CAMK1D: variants seen among roughly 807,000 people sequenced by gnomAD.
CAMK1D encodes calcium/calmodulin-dependent protein kinase type 1D.
A neutral mutation model predicts 47.7 loss-of-function variants in CAMK1D; 9 were observed. That is an observed-to-expected ratio of 0.19 (90% CI 0.11 to 0.33). CAMK1D has a LOEUF of 0.33. CAMK1D is among the 10% of genes least tolerant of loss of function. The probability of loss-of-function intolerance (pLI) is 1.00; values close to 1 mark genes in which losing one functional copy is unlikely to be tolerated. For synonymous variants in CAMK1D, 184 were observed against 184.9 expected (o/e 0.99, Z 0.04); for missense variants, 291 against 488.7 (o/e 0.60, Z 3.81).
chr10:12,595,431 C>T (rs1030207733), intron 2 of CAMK1D, among the ~76,000 whole-genome samples: 1 of 144,522 alleles, frequency 6.9e-6, no homozygotes, highest in Non-Finnish European at 1.5e-5. Flanking sequence ...AGAATGTGGG[C>T]AGTCACTAAA....
rs556540121 is a variant in CAMK1D at position 12,434,195 on chromosome 10, C to G, written c.92+84285C>G. On this transcript the variant is annotated intron_variant, in intron 1 of 10. Coordinates refer to ENST00000619168, the MANE Select transcript of CAMK1D (RefSeq NM_153498.4). Reference sequence around the variant, plus strand: ...TTGAGTAACTAGTCCTAAGATTTTTCTCTTCCAAATTAAAAAAATAAGTCT... The same window carrying G: ...TTGAGTAACTAGTCCTAAGATTTTTGTCTTCCAAATTAAAAAAATAAGTCT... Among the ~76,000 whole-genome samples, 15 of 152,256 alleles carry G rather than the reference C, an allele frequency of 9.9e-5. No individual in the cohort carries two copies. In the South Asian group the frequency reaches 3.1e-3, roughly 32 times the overall value.
At chr10:12,484,230 C>T (rs1270822637) in intron 1 of CAMK1D, among the ~76,000 whole-genome samples, 2 of 152,228 alleles carry the variant, frequency 1.3e-5, no homozygotes, top group African/African-American at 4.8e-5. Flanking sequence ...TTCAGCTTCC[C>T]ACCGGGCATT....
intron 2 of CAMK1D, among the ~76,000 whole-genome samples, chr10:12,597,003 T>C (rs1838165266): frequency 6.6e-6 from 1 of 152,156 alleles, no homozygotes; most frequent in South Asian, 2.1e-4. Context: ...GAGGCTATTA[T>C]CTCTGGAGCT....
chr10:12,796,475 T>C (rs746019363), intron 6 of CAMK1D, among the ~76,000 whole-genome samples: 3 of 152,232 alleles, frequency 2.0e-5, no homozygotes, highest in Non-Finnish European at 4.4e-5. Context: ...TGCATGCTTA[T>C]ATCCATGTTC....
intron 5 of CAMK1D, among the ~76,000 whole-genome samples, chr10:12,776,380 A>G (rs1837247319): frequency 6.6e-6 from 1 of 152,172 alleles, no homozygotes; most frequent in Non-Finnish European, 1.5e-5. Context: ...CAATTTGTTA[A>G]AGTTGACTAA....
At position 12,822,526 on chromosome 10, in the gene CAMK1D, A is replaced by G. The variant is rs142576898; in HGVS notation, c.834-1939A>G. The stretch of plus-strand genomic sequence containing the variant: ...CGTGGGGTCTGAGACCACACTGCGG[A>G]CAAGCAGGTGGACCCCGAGGCCCAG... On this transcript the variant is annotated intron_variant, in intron 8 of 10. Coordinates refer to ENST00000619168, the MANE Select transcript of CAMK1D (RefSeq NM_153498.4). Among the ~76,000 whole-genome samples, 947 of 152,366 alleles carry G rather than the reference A, an allele frequency of 6.2e-3. 16 individuals carry two copies. Among genetic ancestry groups the G allele is most frequent in the African/African-American group, 0.021 (893 of 41,588 alleles).
intron 5 of CAMK1D, among the ~76,000 whole-genome samples, chr10:12,777,483 C>T (rs1362961543): frequency 1.3e-5 from 2 of 150,638 alleles, no homozygotes; most frequent in Non-Finnish European, 2.9e-5. Flanking sequence ...AGCGATTGTC[C>T]TGCCTCAGCC....
At chr10:12,612,722 G>C (rs1206342298) in intron 2 of CAMK1D, among the ~76,000 whole-genome samples, 3 of 152,042 alleles carry the variant, frequency 2.0e-5, no homozygotes, top group Non-Finnish European at 2.9e-5. Flanking sequence ...TCTTTGAGCA[G>C]GTGTGTCATC....
intron 1 of CAMK1D, among the ~76,000 whole-genome samples, chr10:12,457,880 A>T (rs1833303988): frequency 6.6e-6 from 1 of 152,160 alleles, no homozygotes; most frequent in Non-Finnish European, 1.5e-5. Flanking sequence ...AACAAGTTAT[A>T]ATAAAATGCT....
Position 12,535,550 on chromosome 10 carries a change from G to C in CAMK1D, c.93-17675G>C, listed in dbSNP as rs187476793. Among the ~76,000 whole-genome samples the C allele has an allele frequency of 2.7e-4, 41 of 152,284 alleles. 1 individual carries two copies. The East Asian group carries it at 6.8e-3, about 25-fold the overall frequency. On this transcript the variant is annotated intron_variant, in intron 1 of 10. Transcript: ENST00000619168. The stretch of plus-strand genomic sequence containing the variant: ...TAAAGTTATTAAAACTGTCTGGCCA[G>C]CATCCAGAAGCCATTCCTAGGACCC...
At chr10:12,657,926 G>A (rs188795483) in intron 2 of CAMK1D, among the ~76,000 whole-genome samples, 157 of 152,224 alleles carry the variant, frequency 1.0e-3, no homozygotes, top group African/African-American at 3.6e-3. Flanking sequence ...TGAGGCGGGC[G>A]GATCAACTGA....
intron 1 of CAMK1D, among the ~76,000 whole-genome samples, chr10:12,435,202 G>A (rs1211356550): frequency 2.9e-5 from 4 of 137,156 alleles, no homozygotes; most frequent in South Asian, 2.4e-4. Flanking sequence ...CGGCATGGGC[G>A]AGGAGTGAAA....
chr10:12,475,641 G>GT (rs1330194840), intron 1 of CAMK1D, among the ~76,000 whole-genome samples: 1 of 152,176 alleles, frequency 6.6e-6, no homozygotes, highest in African/African-American at 2.4e-5. Context: ...TAGGTCTTCT[G>GT]TGAGTTCTTC....
At position 12,549,972 on chromosome 10, in the gene CAMK1D, G is replaced by T. The variant is rs549829830; in HGVS notation, c.93-3253G>T. On this transcript the variant is annotated intron_variant, in intron 1 of 10. Coordinates refer to ENST00000619168, the MANE Select transcript of CAMK1D (RefSeq NM_153498.4). ...TGCTTTTCTCTTACAGGCTTCCAAG[G>T]GTCCGATTGAGCAGGTTGTCCCCTC... Among the ~76,000 whole-genome samples, 4 of 152,284 alleles carry T rather than the reference G, an allele frequency of 2.6e-5. No individual in the cohort carries two copies. In the South Asian group the frequency reaches 8.3e-4, roughly 32 times the overall value.
In CAMK1D at chr10:12,787,730, G is replaced by A. The variant is rs189738559; in HGVS notation, c.566-3428G>A. Among the ~76,000 whole-genome samples, 6 of 152,366 alleles carry A rather than the reference G, an allele frequency of 3.9e-5. No individual in the cohort carries two copies. The East Asian group carries it at 9.6e-4, about 24-fold the overall frequency. Reference sequence around the variant, plus strand: ...AAGAAGGTCACCAGAGGCCGGGCGCGGTGGCTCACGCCTGTAATCCCAGCA... The same window carrying A: ...AAGAAGGTCACCAGAGGCCGGGCGCAGTGGCTCACGCCTGTAATCCCAGCA... On this transcript the variant is annotated intron_variant, in intron 5 of 10. Coordinates refer to ENST00000619168, the MANE Select transcript of CAMK1D (RefSeq NM_153498.4).
At chr10:12,417,068 T>A (rs891114543) in intron 1 of CAMK1D, among the ~76,000 whole-genome samples, 2 of 152,176 alleles carry the variant, frequency 1.3e-5, no homozygotes, top group Non-Finnish European at 2.9e-5. Flanking sequence ...CTCTCTGTCC[T>A]CATCTGTAAA....
At chr10:12,602,550 T>A (rs1838333840) in intron 2 of CAMK1D, among the ~76,000 whole-genome samples, 1 of 152,140 alleles carries the variant, frequency 6.6e-6, no homozygotes, top group Admixed American at 6.5e-5. Context: ...GTGGGAGCAT[T>A]CTGAATTAGA....
intron 1 of CAMK1D, among the ~76,000 whole-genome samples, chr10:12,546,889 C>T (rs994996616): frequency 4.6e-5 from 7 of 152,100 alleles, no homozygotes; most frequent in Admixed American, 4.6e-4. Flanking sequence ...AGCACACCAA[C>T]ATGGCACATG....
intron 2 of CAMK1D, among the ~76,000 whole-genome samples, chr10:12,606,889 G>A (rs10795969): frequency 0.32 from 47,856 of 151,766 alleles, 8,799 homozygotes; most frequent in Non-Finnish European, 0.41. Flanking sequence ...GTGCCGTGGC[G>A]CAGTCTCAGC....
Sources: allele counts gnomAD v4.1 joint callset (sites outside exome capture counted in the v4.1 genomes callset), GRCh38; gene constraint gnomAD v4.1.1; transcripts MANE v1.5; gene names NCBI Gene and HGNC (gene_info 2026-07-23, HGNC 2026-07-21).